ERAP1: variants seen among roughly 807,000 people sequenced by gnomAD.
ERAP1 encodes the protein adipocyte-derived leucine aminopeptidase.
A neutral mutation model predicts 103.7 loss-of-function variants in ERAP1; 86 were observed. The ratio of observed to expected loss-of-function variants is 0.83; its 90% CI spans 0.70 to 0.99. The LOEUF is 0.99. ERAP1 is among the 50% of genes least tolerant of loss of function. The probability of loss-of-function intolerance (pLI) is 0.00; values close to 1 mark genes in which losing one functional copy is unlikely to be tolerated. For missense variants in ERAP1, 1,009 were observed against 1,128.4 expected, an observed-to-expected ratio of 0.89 and a Z score of 1.52; for synonymous variants, 398 against 402.4, an observed-to-expected ratio of 0.99 and a Z score of 0.13.
chr5:96,889,058 T>C, the ERAP1 span: 1 of 1,133,114 alleles, frequency 8.8e-7, no homozygotes, highest in Non-Finnish European at 1.2e-6. Context: ...ATTGACAACA[T>C]GCTTAATGGT....
At chr5:96,909,839 G>T in the ERAP1 span, 1 of 1,448,658 alleles carries the variant, frequency 6.9e-7, no homozygotes, top group Non-Finnish European at 9.4e-7. Flanking sequence ...CAAGACATTA[G>T]GTCTAAAACC....
chr5:96,888,244 A>G, the ERAP1 span, among the ~76,000 whole-genome samples: 1 of 152,244 alleles, frequency 6.6e-6, no homozygotes, highest in Non-Finnish European at 1.5e-5. Flanking sequence ...TGAGTTGTGT[A>G]GCACACATAC....
At chr5:96,884,470 T>G in the ERAP1 span, among the ~76,000 whole-genome samples, 233 of 151,986 alleles carry the variant, frequency 1.5e-3, no homozygotes, top group African/African-American at 5.4e-3. Context: ...AAGTCTATGA[T>G]GGAACTTAGA....
At chr5:96,871,336 T>C in the ERAP1 span, among the ~76,000 whole-genome samples, 1 of 152,226 alleles carries the variant, frequency 6.6e-6, no homozygotes, top group Non-Finnish European at 1.5e-5. Flanking sequence ...TTGTAAACTG[T>C]CTTTTGTTCA....
At chr5:96,801,060 G>T in intron 2 of ERAP1, 60 bp from the exon 3 acceptor site, 1 of 1,585,124 alleles carries the variant, frequency 6.3e-7, no homozygotes, top group Non-Finnish European at 8.6e-7. Context: ...TCTAAAACAG[G>T]TGTTTGCTTT....
At chr5:96,883,919 A>C in the ERAP1 span, 2 of 1,605,824 alleles carry the variant, frequency 1.2e-6, no homozygotes, top group Non-Finnish European at 1.7e-6. Flanking sequence ...TGCACTATCC[A>C]ACATGCCAAA....
exon 20 of ERAP1, chr5:96,762,217 A>G: frequency 1.8e-6 from 2 of 1,095,278 alleles, no homozygotes; most frequent in Non-Finnish European, 2.7e-6. Flanking sequence ...AAGTGATGGC[A>G]TTGTGCTCAT....
the ERAP1 span, among the ~76,000 whole-genome samples, chr5:96,836,708 T>G: frequency 6.6e-6 from 1 of 152,148 alleles, no homozygotes; most frequent in Non-Finnish European, 1.5e-5. Context: ...TAAAAATAAT[T>G]TAAAATAGGA....
the ERAP1 span, among the ~76,000 whole-genome samples, chr5:96,911,917 C>T: frequency 2.8e-5 from 4 of 143,110 alleles, no homozygotes; most frequent in Non-Finnish European, 6.1e-5. Context: ...TGGCCGGGCG[C>T]GGTGGCTCAC....
the ERAP1 span, among the ~76,000 whole-genome samples, chr5:96,905,806 C>A: frequency 3.9e-5 from 6 of 152,196 alleles, 1 homozygote; most frequent in South Asian, 4.2e-4. Flanking sequence ...ATCGCTTGAA[C>A]CCAGAAGATC....
the ERAP1 span, among the ~76,000 whole-genome samples, chr5:96,925,185 AATTC>A: frequency 1.3e-5 from 2 of 152,232 alleles, no homozygotes; most frequent in Admixed American, 6.5e-5. Flanking sequence ...TAAATTTTAT[AATTC>A]ACATACAATA....
chr5:96,866,140 T>TCTACATG, the ERAP1 span, among the ~76,000 whole-genome samples: 1 of 152,346 alleles, frequency 6.6e-6, no homozygotes, highest in East Asian at 1.9e-4. Context: ...AGTAGTGTTA[T>TCTACATG]CTACATGCTT....
Position 96,763,206 on chromosome 5 carries a change from T to TGG in ERAP1, c.2840_2841insCC (p.Gly948GlnfsTer17), listed in dbSNP as rs1482760641. 5.1e-6 allele frequency: 4 copies of TGG among 780,678 alleles called. No individual in the cohort carries two copies. Among genetic ancestry groups the TGG allele is most frequent in the Non-Finnish European group, 7.2e-6 (3 of 417,910 alleles). 48.4% of individuals were successfully genotyped at this position (780,678 alleles called of 1,614,324 possible). A position where few individuals can be genotyped will look rare whatever the true frequency, so the allele number is the denominator to read the frequency against. ...CTGAGATTCTGATGGATTTTCATCC[T>TGG]GTTGCGTCAGCTTCAGGATCATCTG... On this transcript the variant is annotated frameshift_variant, in exon 20 of 20. Coordinates refer to the ERAP1 transcript ENST00000296754. LOFTEE classifies it high-confidence loss of function.
the ERAP1 span, among the ~76,000 whole-genome samples, chr5:96,817,494 T>C: frequency 1.3e-5 from 2 of 152,250 alleles, no homozygotes; most frequent in East Asian, 3.8e-4. Flanking sequence ...CTAATTTCTA[T>C]GTTGTGTCAG....
chr5:96,786,223 T>C (rs540286518), intron 12 of ERAP1, among the ~76,000 whole-genome samples: 1 of 152,354 alleles, frequency 6.6e-6, no homozygotes, highest in East Asian at 1.9e-4. Flanking sequence ...ATACATATGA[T>C]ATAACCCAGT....
the ERAP1 span, among the ~76,000 whole-genome samples, chr5:96,903,938 C>A: frequency 3.3e-5 from 5 of 152,146 alleles, no homozygotes; most frequent in Non-Finnish European, 7.3e-5. Context: ...TCCCAAATGG[C>A]CTGTTTCATT....
chr5:96,920,865 C>T, the ERAP1 span, among the ~76,000 whole-genome samples: 118 of 152,304 alleles, frequency 7.7e-4, 2 homozygotes, highest in African/African-American at 2.6e-3. Context: ...TTTACTAGGT[C>T]GAAGCATATG....
the ERAP1 span, among the ~76,000 whole-genome samples, chr5:96,883,605 T>C: frequency 2.0e-5 from 3 of 152,230 alleles, no homozygotes; most frequent in Admixed American, 6.5e-5. Flanking sequence ...TTGCTTATGA[T>C]TGATGGCTGC....
At chr5:96,892,552 C>T in the ERAP1 span, 2 of 1,396,722 alleles carry the variant, frequency 1.4e-6, no homozygotes, top group Non-Finnish European at 2.0e-6. Flanking sequence ...TCTCATTTAC[C>T]TCTAGAGGGG....
Sources: gnomAD v4.1 joint callset for allele counts (sites outside exome capture counted in the v4.1 genomes callset) on GRCh38, gnomAD v4.1.1 for gene constraint, MANE v1.5 for transcripts, NCBI Gene and HGNC (gene_info 2026-07-23, HGNC 2026-07-21) for gene names.